CBFA2T3: variants seen among roughly 807,000 people sequenced by gnomAD.
CBFA2T3 encodes CBFA2/RUNX1 partner transcriptional co-repressor 3, also known as transcriptional corepressor CBFA2T3.
CBFA2T3 carries 31 observed loss-of-function variants against 58.6 expected under a neutral mutation model. The ratio of observed to expected loss-of-function variants is 0.53; its 90% CI spans 0.40 to 0.71. The LOEUF (loss-of-function observed/expected upper bound fraction) is 0.71, where lower values mean the gene tolerates loss of function less well. Ranked by LOEUF, CBFA2T3 falls within the 30% of genes least tolerant of loss-of-function variation. The pLI is 0.00. For missense variants in CBFA2T3, 1,076 were observed against 963.1 expected, an observed-to-expected ratio of 1.12 and a Z score of -1.55; for synonymous variants, 531 against 421.9, an observed-to-expected ratio of 1.26 and a Z score of -3.17.
chr16:88,900,902 A>G (rs1381213314), intron 2 of CBFA2T3, among the ~76,000 whole-genome samples: 1 of 152,194 alleles, frequency 6.6e-6, no homozygotes, highest in Non-Finnish European at 1.5e-5. Context: ...CAGGGCCAGC[A>G]AGACAAGGCC....
chr16:88,937,811 C>T (rs1481841231), intron 1 of CBFA2T3: 3 of 152,270 alleles, frequency 2.0e-5, no homozygotes, highest in African/African-American at 7.2e-5. Context: ...ACTTTTTGTC[C>T]TGTAAGTGAA....
chr16:88,923,327 C>G (rs1316298418), intron 1 of CBFA2T3, among the ~76,000 whole-genome samples: 1 of 152,214 alleles, frequency 6.6e-6, no homozygotes, highest in Admixed American at 6.5e-5. Flanking sequence ...CTGCCCACTG[C>G]CCCCTGCCTG....
At chr16:88,933,167 G>A (rs967479957) in intron 1 of CBFA2T3, among the ~76,000 whole-genome samples, 10 of 152,212 alleles carry the variant, frequency 6.6e-5, no homozygotes, top group African/African-American at 1.9e-4. Context: ...CTGTGGCCCC[G>A]GCCCTGCCTG....
intron 1 of CBFA2T3, among the ~76,000 whole-genome samples, chr16:88,973,355 C>G (rs975332458): frequency 7.2e-5 from 11 of 152,184 alleles, no homozygotes; most frequent in African/African-American, 2.4e-4. Context: ...CCAGGAACAC[C>G]TGGGACCAGC....
At chr16:88,877,469 T>C (rs1291136697) in intron 11 of CBFA2T3, among the ~76,000 whole-genome samples, 194 bp from the exon 12 acceptor site, 1 of 152,180 alleles carries the variant, frequency 6.6e-6, no homozygotes, top group African/African-American at 2.4e-5. Flanking sequence ...GGCATCCCAC[T>C]ACCGTGTCTC....
chr16:88,932,833 G>C (rs1195219340), intron 1 of CBFA2T3, among the ~76,000 whole-genome samples: 1 of 145,034 alleles, frequency 6.9e-6, no homozygotes, highest in Non-Finnish European at 1.5e-5. Context: ...GCCGGGTGCA[G>C]TGGTGTGTGG....
intron 3 of CBFA2T3, among the ~76,000 whole-genome samples, chr16:88,896,146 G>C (rs989128438): frequency 1.3e-5 from 2 of 152,190 alleles, no homozygotes; most frequent in Non-Finnish European, 2.9e-5. Flanking sequence ...ACACCTAGTG[G>C]AATTCTGGAA....
intron 3 of CBFA2T3, among the ~76,000 whole-genome samples, chr16:88,892,743 C>G (rs1227904608): frequency 1.3e-5 from 2 of 152,182 alleles, no homozygotes; most frequent in Non-Finnish European, 2.9e-5. Flanking sequence ...CCCTTACAGA[C>G]CTGGAAATGG....
chr16:88,955,983 G>A (rs554327369), intron 1 of CBFA2T3, among the ~76,000 whole-genome samples: 2 of 150,564 alleles, frequency 1.3e-5, no homozygotes, highest in Admixed American at 1.3e-4. Flanking sequence ...CCCGCCCAAG[G>A]CTCCTGACCC....
intron 1 of CBFA2T3, among the ~76,000 whole-genome samples, chr16:88,936,125 G>A (rs1014882906): frequency 2.0e-5 from 3 of 152,154 alleles, no homozygotes; most frequent in Non-Finnish European, 4.4e-5. Context: ...TGGCTTTCCC[G>A]GGTACTCAGG....
At position 88,885,076 on chromosome 16, in the gene CBFA2T3, G is replaced by A. The variant is rs377163386; in HGVS notation, c.1087C>T (p.Arg363Trp). ...GGCCGATGGCGCTCTCGTAGCTCCC[G>A]GGGGTCTGGGTGGCGGTAGGCATCT... ...FRDAYRHPDP[R>W]ELRERHRPLV... Residue 363 changes from arginine (R) to tryptophan (W), a missense_variant, in exon 7 of 12, where the codon CGG becomes TGG. Arg to Trp is a moderately radical substitution (Grantham distance 101, BLOSUM62 -3). Coordinates refer to ENST00000268679, the MANE Select transcript of CBFA2T3 (RefSeq NM_005187.6). This position sits in a 1 kb window ranked among gnomAD's most constrained non-coding sequence, Gnocchi z 5.3. 7.2e-5 allele frequency: 115 copies of A among 1,601,190 alleles called. No homozygotes were observed. The highest frequency in any genetic ancestry group is 8.3e-5 in the Non-Finnish European group (98 of 1,177,416).
intron 1 of CBFA2T3, 133 bp downstream of exon 1, chr16:88,976,520 GGTGA>G: frequency 1.5e-6 from 1 of 667,758 alleles, no homozygotes. Flanking sequence ...TGATATCTGA[GGTGA>G]GTCAACACGG....
intron 9 of CBFA2T3, 76 bp downstream of exon 9, chr16:88,881,215 C>G: frequency 7.6e-7 from 1 of 1,315,424 alleles, no homozygotes; most frequent in Non-Finnish European, 1.1e-6. Flanking sequence ...GTTGCATTGC[C>G]TGCCTGACAG....
At chr16:88,878,356 C>T (rs1968920761) in intron 11 of CBFA2T3, among the ~76,000 whole-genome samples, 1 of 152,240 alleles carries the variant, frequency 6.6e-6, no homozygotes, top group Non-Finnish European at 1.5e-5. Context: ...CATCTCCTCC[C>T]ACCCCGGGGC....
chr16:88,921,605 AG>A (rs558464050), intron 1 of CBFA2T3, among the ~76,000 whole-genome samples: 1,760 of 53,196 alleles, frequency 0.033, 10 homozygotes, highest in Non-Finnish European at 0.049. Context: ...TGGGGGAGGG[AG>A]GGGGGGCGGT....
At chr16:88,973,316 G>A (rs1307587722) in intron 1 of CBFA2T3, among the ~76,000 whole-genome samples, 2 of 152,220 alleles carry the variant, frequency 1.3e-5, no homozygotes, top group African/African-American at 4.8e-5. Flanking sequence ...CAAAGACAGA[G>A]GTAGTGGCTG....
At chr16:88,929,387 C>G (rs1971200991) in intron 1 of CBFA2T3, among the ~76,000 whole-genome samples, 1 of 152,336 alleles carries the variant, frequency 6.6e-6, no homozygotes, top group African/African-American at 2.4e-5. Flanking sequence ...GCCAAGCCCC[C>G]TGCCCACCAG....
At chr16:88,922,893 A>G (rs1970967148) in intron 1 of CBFA2T3, among the ~76,000 whole-genome samples, 1 of 152,120 alleles carries the variant, frequency 6.6e-6, no homozygotes, top group Non-Finnish European at 1.5e-5. Flanking sequence ...AATCACGATG[A>G]AAACATAAAC....
In CBFA2T3 at chr16:88,907,214, A is replaced by C. The variant is rs539781388; in HGVS notation, c.152-5558T>G. Among the ~76,000 whole-genome samples the C allele has an allele frequency of 3.9e-5, 6 of 152,292 alleles. No individual in the cohort carries two copies. The East Asian group carries it at 7.7e-4, about 20-fold the overall frequency. Reference sequence around the variant, plus strand: ...AGGCCCAGCGCTGCCCGTGCAGAAGAAAGCATGGAATTTGGGGAGGGCTCC... The same window carrying C: ...AGGCCCAGCGCTGCCCGTGCAGAAGCAAGCATGGAATTTGGGGAGGGCTCC... On this transcript the variant is annotated intron_variant, in intron 1 of 11. Transcript: ENST00000268679.
Sources: allele counts gnomAD v4.1 joint callset (sites outside exome capture counted in the v4.1 genomes callset), GRCh38; gene constraint gnomAD v4.1.1; non-coding constraint Gnocchi (gnomAD v3.1); transcripts MANE v1.5; gene names NCBI Gene and HGNC (gene_info 2026-07-23, HGNC 2026-07-21).